Variants in SEMA6D observed in about 807,000 individuals in gnomAD.
The protein encoded by SEMA6D is semaphorin-6D.
Under a neutral mutation model 106.6 loss-of-function variants are expected in SEMA6D, and 35 were observed. The observed-to-expected ratio is 0.33, with a 90% CI of 0.25 to 0.44. SEMA6D has a LOEUF of 0.44. Ranked by LOEUF, SEMA6D falls within the 20% of genes least tolerant of loss-of-function variation. The probability of loss-of-function intolerance (pLI) is 1.00; values close to 1 mark genes in which losing one functional copy is unlikely to be tolerated. For missense variants in SEMA6D, 1,185 were observed against 1,345.9 expected, an observed-to-expected ratio of 0.88 and a Z score of 1.87; for synonymous variants, 499 against 487.7, an observed-to-expected ratio of 1.02 and a Z score of -0.31.
intron 1 of SEMA6D, among the ~76,000 whole-genome samples, chr15:47,261,905 C>G (rs2034093021): frequency 6.6e-6 from 1 of 151,968 alleles, no homozygotes; most frequent in Admixed American, 6.6e-5. Flanking sequence ...CATATTTTGC[C>G]TATTGTTTTT....
intron 3 of SEMA6D, among the ~76,000 whole-genome samples, chr15:47,593,393 G>A (rs1207519848): frequency 6.3e-5 from 6 of 95,680 alleles, no homozygotes; most frequent in East Asian, 3.2e-4. Context: ...GCGACAGAGC[G>A]AAACTCCGTC....
intron 2 of SEMA6D, among the ~76,000 whole-genome samples, chr15:47,448,294 T>A (rs2042087936): frequency 6.6e-6 from 1 of 152,144 alleles, no homozygotes; most frequent in African/African-American, 2.4e-5. Context: ...AAGAGCTGAC[T>A]ATTTTCCAGA....
intron 1 of SEMA6D, among the ~76,000 whole-genome samples, chr15:47,368,191 G>C (rs188131664): frequency 3.9e-5 from 6 of 152,322 alleles, no homozygotes; most frequent in Middle Eastern, 3.4e-3. Flanking sequence ...AGGCTCCCCA[G>C]CTTTGGCAAG....
At chr15:47,580,859 T>C (rs2076243401) in intron 3 of SEMA6D, among the ~76,000 whole-genome samples, 1 of 152,218 alleles carries the variant, frequency 6.6e-6, no homozygotes, top group Non-Finnish European at 1.5e-5. Flanking sequence ...AATGTGAATT[T>C]TGTGTTTGCT....
chr15:47,723,896 T>G (rs1391634774), intron 1 of SEMA6D, among the ~76,000 whole-genome samples: 1 of 152,230 alleles, frequency 6.6e-6, no homozygotes, highest in African/African-American at 2.4e-5. Context: ...AGCCTATTAT[T>G]GGAGTCTGTA....
chr15:47,216,615 A>G (rs1225962051), intron 1 of SEMA6D, among the ~76,000 whole-genome samples: 1 of 152,166 alleles, frequency 6.6e-6, no homozygotes, highest in Non-Finnish European at 1.5e-5. Flanking sequence ...CACAAGAAAA[A>G]CAAAGAGTCA....
At chr15:47,346,394 A>G (rs541300209) in intron 1 of SEMA6D, among the ~76,000 whole-genome samples, 14 of 152,286 alleles carry the variant, frequency 9.2e-5, no homozygotes, top group African/African-American at 2.9e-4. Flanking sequence ...AGGTCACTTA[A>G]TATCATCTCT....
At chr15:47,289,250 C>T (rs192982978) in intron 1 of SEMA6D, among the ~76,000 whole-genome samples, 11 of 151,618 alleles carry the variant, frequency 7.3e-5, no homozygotes, top group South Asian at 4.2e-4. Flanking sequence ...AAAAATTAGC[C>T]GGGTGTGGTG....
At chr15:47,530,814 A>G (rs1437209688) in intron 3 of SEMA6D, among the ~76,000 whole-genome samples, 1 of 152,164 alleles carries the variant, frequency 6.6e-6, no homozygotes, top group African/African-American at 2.4e-5. Flanking sequence ...CATTAACTAG[A>G]TGATCTTGGA....
chr15:47,488,857 C>A (rs550359644), intron 3 of SEMA6D, among the ~76,000 whole-genome samples: 1 of 152,008 alleles, frequency 6.6e-6, no homozygotes. Context: ...AGGGTCCTGT[C>A]GATTGTTTAA....
At chr15:47,742,761 G>A (rs2080894810) in intron 1 of SEMA6D, among the ~76,000 whole-genome samples, 2 of 152,140 alleles carry the variant, frequency 1.3e-5, no homozygotes, top group South Asian at 4.1e-4. Flanking sequence ...CCCCAGTCCT[G>A]CTAGAACGCC....
At chr15:47,715,353 A>G (rs114206033), upstream of SEMA6D, among the ~76,000 whole-genome samples, 4,070 of 152,322 alleles carry the variant, frequency 0.027, 170 homozygotes, top group African/African-American at 0.094. Context: ...TGGTAGCTGC[A>G]TAAAGAGTTA....
At chr15:47,676,003 T>C (rs1485679379) in intron 4 of SEMA6D, among the ~76,000 whole-genome samples, 1 of 151,586 alleles carries the variant, frequency 6.6e-6, no homozygotes, top group Non-Finnish European at 1.5e-5. Context: ...GCAGTGGCTG[T>C]GTCTATTTGG....
At chr15:47,305,543 T>C (rs889357188) in intron 1 of SEMA6D, among the ~76,000 whole-genome samples, 1 of 152,220 alleles carries the variant, frequency 6.6e-6, no homozygotes, top group Non-Finnish European at 1.5e-5. Flanking sequence ...CTGTTTTCTA[T>C]TGTAGAATGC....
intron 1 of SEMA6D, among the ~76,000 whole-genome samples, chr15:47,734,683 C>G (rs2080343285): frequency 6.6e-6 from 1 of 152,058 alleles, no homozygotes; most frequent in South Asian, 2.1e-4. Flanking sequence ...ACATGGTCTC[C>G]AAGAACATGG....
At chr15:47,697,819 AG>A (rs1293333264) in intron 4 of SEMA6D, among the ~76,000 whole-genome samples, 2 of 152,200 alleles carry the variant, frequency 1.3e-5, no homozygotes, top group African/African-American at 4.8e-5. Flanking sequence ...TAGCATCCTC[AG>A]CACGTACACC....
At chr15:47,390,838 G>A (rs2040004394) in intron 1 of SEMA6D, among the ~76,000 whole-genome samples, 2 of 152,090 alleles carry the variant, frequency 1.3e-5, no homozygotes, top group Admixed American at 1.3e-4. Flanking sequence ...CTACTAGACT[G>A]AGTTTTTCTT....
chr15:47,312,853 T>G (rs748686821), intron 1 of SEMA6D, among the ~76,000 whole-genome samples: 3 of 152,230 alleles, frequency 2.0e-5, no homozygotes, highest in Non-Finnish European at 4.4e-5. Flanking sequence ...ATTTATATAC[T>G]TATAGCACAT....
At chr15:47,293,470 C>T (rs1236074335) in intron 1 of SEMA6D, among the ~76,000 whole-genome samples, 1 of 152,140 alleles carries the variant, frequency 6.6e-6, no homozygotes, top group African/African-American at 2.4e-5. Context: ...TGGCTTAGTG[C>T]CCTAAGCTTT....
Sources: gnomAD v4.1 joint callset for allele counts (sites outside exome capture counted in the v4.1 genomes callset) on GRCh38, gnomAD v4.1.1 for gene constraint, MANE v1.5 for transcripts, NCBI Gene and HGNC (gene_info 2026-07-23, HGNC 2026-07-21) for gene names.